The following KIAA1328 variants were observed in gnomAD, a reference collection of about 807,000 sequenced individuals.
KIAA1328 encodes KIAA1328.
KIAA1328 carries 52 observed loss-of-function variants against 68.1 expected under a neutral mutation model. The ratio of observed to expected loss-of-function variants is 0.76; its 90% CI spans 0.61 to 0.96. The LOEUF (loss-of-function observed/expected upper bound fraction) is 0.96, where lower values mean the gene tolerates loss of function less well. Ranked by LOEUF, KIAA1328 falls within the 40% of genes least tolerant of loss-of-function variation. KIAA1328 has a pLI of 0.00. For missense variants in KIAA1328, 641 were observed against 677.6 expected, an observed-to-expected ratio of 0.95 and a Z score of 0.60; for synonymous variants, 232 against 239.4, an observed-to-expected ratio of 0.97 and a Z score of 0.28.
chr18:37,089,677 G>T (rs913308094), intron 7 of KIAA1328, among the ~76,000 whole-genome samples: 1 of 152,092 alleles, frequency 6.6e-6, no homozygotes, highest in African/African-American at 2.4e-5. Context: ...GCCCTGCCTG[G>T]TAGTGGCTTT....
chr18:37,210,949 C>G (rs532590103), intron 9 of KIAA1328, among the ~76,000 whole-genome samples: 1 of 152,218 alleles, frequency 6.6e-6, no homozygotes, highest in Admixed American at 6.5e-5. Flanking sequence ...GCCCTGCTTA[C>G]CACACACTTT....
At chr18:36,839,483 A>G (rs1453688444) in intron 3 of KIAA1328, among the ~76,000 whole-genome samples, 1 of 152,228 alleles carries the variant, frequency 6.6e-6, no homozygotes, top group Non-Finnish European at 1.5e-5. Flanking sequence ...TATGGAACAT[A>G]GTTATAATAA....
chr18:37,202,191 C>T (rs2060127808), intron 9 of KIAA1328, among the ~76,000 whole-genome samples: 1 of 151,860 alleles, frequency 6.6e-6, no homozygotes, highest in Non-Finnish European at 1.5e-5. Context: ...CTATGAATGG[C>T]TCAAAAGAAA....
intron 7 of KIAA1328, among the ~76,000 whole-genome samples, chr18:37,149,831 G>A (rs1387201614): frequency 2.0e-5 from 3 of 152,042 alleles, no homozygotes; most frequent in African/African-American, 7.2e-5. Flanking sequence ...ACTAAAAGTT[G>A]ATTCTTTGAA....
intron 6 of KIAA1328, among the ~76,000 whole-genome samples, chr18:36,963,152 C>G (rs1298852261): frequency 6.6e-6 from 1 of 152,144 alleles, no homozygotes. Flanking sequence ...TAAAAAGAGG[C>G]AGAGGAAGGT....
intron 7 of KIAA1328, among the ~76,000 whole-genome samples, chr18:37,121,322 A>G (rs1023175240): frequency 6.6e-6 from 1 of 152,168 alleles, no homozygotes. Flanking sequence ...AGAAGAATTC[A>G]TCAGGTTAGT....
At chr18:36,991,806 A>AT (rs2053190035) in intron 6 of KIAA1328, among the ~76,000 whole-genome samples, 1 of 152,156 alleles carries the variant, frequency 6.6e-6, no homozygotes, top group African/African-American at 2.4e-5. Context: ...TATCCAAAAA[A>AT]GTAGCTAGAC....
chr18:36,884,056 C>A (rs1358328531), intron 4 of KIAA1328, among the ~76,000 whole-genome samples: 1 of 150,248 alleles, frequency 6.7e-6, no homozygotes, highest in Admixed American at 6.7e-5. Flanking sequence ...TCTAGTCTAG[C>A]CTTTTTTCTT....
intron 6 of KIAA1328, among the ~76,000 whole-genome samples, chr18:37,030,563 C>CCA (rs1282776782): frequency 2.0e-5 from 3 of 152,136 alleles, no homozygotes; most frequent in African/African-American, 7.2e-5. Flanking sequence ...AAATTATTCA[C>CCA]CATATCATAT....
chr18:37,137,092 G>C (rs2058662916), intron 7 of KIAA1328, among the ~76,000 whole-genome samples: 1 of 152,074 alleles, frequency 6.6e-6, no homozygotes, highest in Admixed American at 6.5e-5. Flanking sequence ...ACACCTTCTA[G>C]TATGAAGTGT....
At position 37,160,267 on chromosome 18, in the gene KIAA1328, C is replaced by T. The variant is rs982131618; in HGVS notation, c.1300C>T (p.Pro434Ser). 6.2e-7 allele frequency: 1 copy of T among 1,613,388 alleles called. No homozygotes were observed. The highest frequency in any genetic ancestry group is 2.2e-5 in the East Asian group (1 of 44,854). ...TSSSIKKHQD[P>S]PNSGENRKER... Reference sequence around the variant, plus strand: ...ATCATCTATTAAAAAGCACCAAGACCCCCCAAACAGTGGAGAGAATAGGAA... The same window carrying T: ...ATCATCTATTAAAAAGCACCAAGACTCCCCAAACAGTGGAGAGAATAGGAA... Residue 434 changes from proline to serine, a missense_variant, in exon 8 of 10, where the codon CCC (proline) becomes TCC (serine). Physicochemically the swap from Pro to Ser is moderately conservative, Grantham distance 74. Coordinates refer to ENST00000280020, the MANE Select transcript of KIAA1328 (RefSeq NM_020776.3).
intron 6 of KIAA1328, among the ~76,000 whole-genome samples, chr18:37,003,481 T>C (rs1055641547): frequency 2.6e-5 from 4 of 152,070 alleles, no homozygotes; most frequent in Non-Finnish European, 4.4e-5. Context: ...AATGCAAACA[T>C]CTCCGCAGGA....
intron 6 of KIAA1328, among the ~76,000 whole-genome samples, chr18:36,966,429 T>C (rs2051940310): frequency 6.6e-6 from 1 of 152,046 alleles, no homozygotes; most frequent in Non-Finnish European, 1.5e-5. Context: ...ATAAAGATCG[T>C]GTGTGTGTGT....
chr18:36,898,597 A>G (rs2048937353), intron 5 of KIAA1328, among the ~76,000 whole-genome samples: 1 of 152,008 alleles, frequency 6.6e-6, no homozygotes, highest in Non-Finnish European at 1.5e-5. Flanking sequence ...TCAAAAAAAG[A>G]TATATGTTTA....
At position 36,854,385 on chromosome 18, in the gene KIAA1328, T is replaced by A. The variant is rs181389221; in HGVS notation, c.332+10083T>A. Among the ~76,000 whole-genome samples the A allele has an allele frequency of 1.6e-4, 24 of 152,330 alleles. No individual in the cohort carries two copies. In the East Asian group the frequency reaches 2.1e-3, roughly 13 times the overall value. On this transcript the variant is annotated intron_variant, in intron 4 of 9. Transcript: ENST00000280020. Reference sequence around the variant, plus strand: ...CATTAACTTGGATTGATAATTATTGTTTAAGTTGTCTTTTAAATCATATTC... The same window carrying A: ...CATTAACTTGGATTGATAATTATTGATTAAGTTGTCTTTTAAATCATATTC...
intron 7 of KIAA1328, among the ~76,000 whole-genome samples, chr18:37,153,412 T>C (rs970699194): frequency 6.6e-6 from 1 of 152,106 alleles, no homozygotes; most frequent in Admixed American, 6.6e-5. Flanking sequence ...TTTTTCATTG[T>C]TGGAGAAAGG....
intron 9 of KIAA1328, among the ~76,000 whole-genome samples, chr18:37,221,223 T>A (rs143976161): frequency 2.6e-5 from 4 of 152,220 alleles, no homozygotes; most frequent in African/African-American, 4.8e-5. Context: ...GATGTCTTTA[T>A]AGATTTAGAA....
At chr18:36,911,980 GA>G (rs2049470123) in intron 5 of KIAA1328, among the ~76,000 whole-genome samples, 1 of 147,852 alleles carries the variant, frequency 6.8e-6, no homozygotes, top group East Asian at 1.9e-4. Flanking sequence ...TACTGAGTGA[GA>G]AAAAAATACT....
chr18:36,842,134 C>G (rs925480349), intron 3 of KIAA1328, among the ~76,000 whole-genome samples: 1 of 152,062 alleles, frequency 6.6e-6, no homozygotes, highest in Non-Finnish European at 1.5e-5. Context: ...TAAGAAACAA[C>G]CACAATCTCT....
Sources: gnomAD v4.1 joint callset for allele counts (sites outside exome capture counted in the v4.1 genomes callset) on GRCh38, gnomAD v4.1.1 for gene constraint, MANE v1.5 for transcripts, NCBI Gene and HGNC (gene_info 2026-07-23, HGNC 2026-07-21) for gene names.